ABTB3: variants seen among roughly 807,000 people sequenced by gnomAD.
ABTB3 encodes ankyrin repeat and BTB domain containing 3.
chr12:107,642,116 C>T, the ABTB3 span: 56 of 1,613,998 alleles, frequency 3.5e-5, no homozygotes, highest in East Asian at 9.6e-4. Flanking sequence ...TCCAGCAAGC[C>T]GACAAATGAT....
chr12:107,413,696 G>T, the ABTB3 span, among the ~76,000 whole-genome samples: 2 of 152,330 alleles, frequency 1.3e-5, no homozygotes, highest in East Asian at 3.9e-4. Context: ...GGGAACTGTT[G>T]AGTTAAAGGA....
At chr12:107,622,425 T>C in the ABTB3 span, among the ~76,000 whole-genome samples, 1 of 152,308 alleles carries the variant, frequency 6.6e-6, no homozygotes, top group African/African-American at 2.4e-5. Context: ...CTGGCCAGCA[T>C]TGTTCCTTCT....
the ABTB3 span, chr12:107,635,519 C>A: frequency 6.0e-6 from 4 of 662,276 alleles, no homozygotes; most frequent in Non-Finnish European, 9.9e-6. Flanking sequence ...AGGAGTCAGG[C>A]CGGGGGAGAT....
At chr12:107,644,680 G>A in the ABTB3 span, among the ~76,000 whole-genome samples, 2 of 152,150 alleles carry the variant, frequency 1.3e-5, no homozygotes, top group African/African-American at 2.4e-5. Flanking sequence ...TGGGGGTTTG[G>A]TGTTCTGATT....
At chr12:107,612,136 G>A in the ABTB3 span, among the ~76,000 whole-genome samples, 10 of 152,328 alleles carry the variant, frequency 6.6e-5, no homozygotes, top group African/African-American at 1.7e-4. Context: ...CCAAATAACC[G>A]ACTTTGTGAC....
chr12:107,323,062 T>C, the ABTB3 span, among the ~76,000 whole-genome samples: 1 of 152,246 alleles, frequency 6.6e-6, no homozygotes, highest in East Asian at 1.9e-4. Context: ...GAGCAAGCTA[T>C]TGTACTGTAT....
chr12:107,440,328 C>T, the ABTB3 span, among the ~76,000 whole-genome samples: 1 of 152,228 alleles, frequency 6.6e-6, no homozygotes, highest in South Asian at 2.1e-4. Flanking sequence ...CCAGACACCC[C>T]AAGCTCACGC....
chr12:107,448,681 C>A, the ABTB3 span, among the ~76,000 whole-genome samples: 1 of 151,308 alleles, frequency 6.6e-6, no homozygotes, highest in African/African-American at 2.4e-5. Context: ...AGCTCTGTCA[C>A]CCAGGCTGGA....
the ABTB3 span, among the ~76,000 whole-genome samples, chr12:107,626,218 T>C: frequency 6.6e-6 from 1 of 152,188 alleles, no homozygotes; most frequent in East Asian, 1.9e-4. Flanking sequence ...TTATATGTAA[T>C]GTCCAGAGTT....
At chr12:107,462,252 A>T in the ABTB3 span, among the ~76,000 whole-genome samples, 854 of 152,364 alleles carry the variant, frequency 5.6e-3, 5 homozygotes, top group African/African-American at 0.019. Flanking sequence ...TCAATGAATG[A>T]AACTATCTTG....
the ABTB3 span, among the ~76,000 whole-genome samples, chr12:107,472,323 A>G: frequency 6.6e-6 from 1 of 152,200 alleles, no homozygotes; most frequent in African/African-American, 2.4e-5. Context: ...GAGCTTATAA[A>G]TCGGCAAACG....
the ABTB3 span, among the ~76,000 whole-genome samples, chr12:107,382,296 G>A: frequency 6.6e-6 from 1 of 152,122 alleles, no homozygotes; most frequent in Admixed American, 6.5e-5. Context: ...GGCTTTAGGA[G>A]AGATGGGCCA....
the ABTB3 span, chr12:107,649,203 C>T: frequency 1.9e-6 from 3 of 1,611,172 alleles, no homozygotes; most frequent in Non-Finnish European, 2.5e-6. Flanking sequence ...TGTTTTCTTC[C>T]AGCTGGTTAT....
At chr12:107,653,570 ACTTG>A in the ABTB3 span, among the ~76,000 whole-genome samples, 2 of 152,010 alleles carry the variant, frequency 1.3e-5, no homozygotes, top group South Asian at 4.2e-4. Context: ...GTGAGATGCT[ACTTG>A]CTTGTCTTAA....
At chr12:107,533,919 C>G in the ABTB3 span, among the ~76,000 whole-genome samples, 1 of 152,152 alleles carries the variant, frequency 6.6e-6, no homozygotes, top group Admixed American at 6.5e-5. Context: ...GAAATCATAT[C>G]AAGTATCTTT....
the ABTB3 span, chr12:107,320,145 G>A: frequency 7.4e-7 from 1 of 1,354,960 alleles, no homozygotes; most frequent in African/African-American, 1.5e-5. Flanking sequence ...TTTGCCTCGC[G>A]TCCCCCTCCC....
the ABTB3 span, among the ~76,000 whole-genome samples, chr12:107,323,496 CTT>C: frequency 4.6e-5 from 7 of 152,326 alleles, no homozygotes; most frequent in Admixed American, 1.3e-4. Flanking sequence ...TATGTAAAAA[CTT>C]TTCAGAACTG....
At chr12:107,582,919 G>A in the ABTB3 span, among the ~76,000 whole-genome samples, 1 of 152,134 alleles carries the variant, frequency 6.6e-6, no homozygotes, top group Non-Finnish European at 1.5e-5. Context: ...TGGGTGACAG[G>A]GAAGGTTAGA....
At chr12:107,454,788 C>A in the ABTB3 span, among the ~76,000 whole-genome samples, 7 of 152,092 alleles carry the variant, frequency 4.6e-5, no homozygotes, top group Non-Finnish European at 8.8e-5. Context: ...TTTTACTCAC[C>A]CTTTTCCTCT....
Sources: allele counts gnomAD v4.1 joint callset (sites outside exome capture counted in the v4.1 genomes callset), GRCh38; gene constraint gnomAD v4.1.1; transcripts MANE v1.5; gene names NCBI Gene and HGNC (gene_info 2026-07-23, HGNC 2026-07-21).